Variants in MYPN observed in about 807,000 individuals in gnomAD.
MYPN encodes myopalladin, also known as sarcomeric protein myopalladin, 145 kDa (MYOP).
A neutral mutation model predicts 129.4 loss-of-function variants in MYPN; 63 were observed. The ratio of observed to expected loss-of-function variants is 0.49; its 90% CI spans 0.40 to 0.60. The LOEUF is 0.60. Ranked by LOEUF, MYPN falls within the 20% of genes least tolerant of loss-of-function variation. MYPN has a pLI of 0.00. For synonymous variants in MYPN, 629 were observed against 600.9 expected (o/e 1.05, Z -0.68); for missense variants, 1,596 against 1,635.4 (o/e 0.98, Z 0.42).
At chr10:68,192,150 G>A (rs1358582118) in intron 13 of MYPN, among the ~76,000 whole-genome samples, 1 of 152,068 alleles carries the variant, frequency 6.6e-6, no homozygotes, top group Non-Finnish European at 1.5e-5. Context: ...GTCATATATG[G>A]ACTTCATTGT....
At chr10:68,177,457 G>T (rs1047517969) in intron 12 of MYPN, among the ~76,000 whole-genome samples, 2 of 152,164 alleles carry the variant, frequency 1.3e-5, no homozygotes, top group Non-Finnish European at 2.9e-5. Flanking sequence ...TGGGAAACTG[G>T]GAGCTGTCTG....
At chr10:68,106,279 G>T, upstream of MYPN, 1 of 392,914 alleles carries the variant, frequency 2.5e-6, no homozygotes, top group East Asian at 7.9e-5. Context: ...AGTGGGTTTT[G>T]AACTTTTAGT....
chr10:68,168,820 G>A (rs1275702175), intron 10 of MYPN, among the ~76,000 whole-genome samples: 2 of 151,586 alleles, frequency 1.3e-5, no homozygotes, highest in African/African-American at 4.9e-5. Flanking sequence ...CACCATACAC[G>A]GGGTCAAAAA....
chr10:68,136,342 T>C, intron 2 of MYPN: 1 of 927,974 alleles, frequency 1.1e-6, no homozygotes, highest in Non-Finnish European at 1.3e-6. Flanking sequence ...CCATGAATCA[T>C]GCCTGGCACC....
intron 19 of MYPN, among the ~76,000 whole-genome samples, chr10:68,207,655 C>CTAA (rs1232026232): frequency 5.9e-5 from 9 of 152,000 alleles, no homozygotes; most frequent in Non-Finnish European, 1.2e-4. Flanking sequence ...GAGAGCTGTC[C>CTAA]TAATAATAAT....
intron 5 of MYPN, among the ~76,000 whole-genome samples, chr10:68,149,545 C>T (rs188156097): frequency 7.2e-4 from 109 of 152,214 alleles, no homozygotes; most frequent in African/African-American, 2.5e-3. Flanking sequence ...GCCATCCTCC[C>T]GCCTCAGCCT....
intron 13 of MYPN, among the ~76,000 whole-genome samples, chr10:68,193,439 C>G (rs546926422): frequency 1.3e-5 from 2 of 152,258 alleles, no homozygotes; most frequent in South Asian, 4.1e-4. Context: ...TGATATTTTT[C>G]TGTCTGCTTA....
chr10:68,091,393 C>CT (rs11301512), intron 1 of MYPN, among the ~76,000 whole-genome samples: 25,689 of 106,858 alleles, frequency 0.24, 4,422 homozygotes, highest in East Asian at 0.8. Context: ...GACTACAGCC[C>CT]TTTTTTTTTT....
chr10:68,110,270 TCTCC>T (rs1392663307), intron 1 of MYPN, among the ~76,000 whole-genome samples: 3 of 152,116 alleles, frequency 2.0e-5, no homozygotes, highest in African/African-American at 7.2e-5. Context: ...TCTCTCTCTC[TCTCC>T]GTCTCTTTCT....
intron 8 of MYPN, among the ~76,000 whole-genome samples, chr10:68,162,694 G>A (rs146292988): frequency 3.3e-5 from 5 of 152,170 alleles, no homozygotes; most frequent in African/African-American, 9.7e-5. Flanking sequence ...GGTGGTTCAC[G>A]CCTGTAATCC....
intron 2 of MYPN, among the ~76,000 whole-genome samples, chr10:68,140,103 T>C (rs544729830): frequency 2.6e-5 from 4 of 152,318 alleles, no homozygotes; most frequent in African/African-American, 9.6e-5. Context: ...GAGAAGGACC[T>C]ATCTTTGTAA....
chr10:68,094,997 G>A (rs1346972655), intron 1 of MYPN, among the ~76,000 whole-genome samples: 1 of 152,178 alleles, frequency 6.6e-6, no homozygotes, highest in African/African-American at 2.4e-5. Context: ...GAAGACGGAG[G>A]TTGCAGTGAG....
At chr10:68,183,519 A>T (rs2043373045) in intron 12 of MYPN, among the ~76,000 whole-genome samples, 1 of 152,162 alleles carries the variant, frequency 6.6e-6, no homozygotes, top group African/African-American at 2.4e-5. Flanking sequence ...TCAGGAATTC[A>T]TCTTTCCCTG....
At position 68,182,469 on chromosome 10, in the gene MYPN, T is replaced by TACAC. The variant is rs746883010; in HGVS notation, c.2704-6435_2704-6434insCACA. Among the ~76,000 whole-genome samples, 298 of 111,950 alleles carry TACAC rather than the reference T, an allele frequency of 2.7e-3. 9 individuals carry two copies. Among genetic ancestry groups the TACAC allele is most frequent in the African/African-American group, 8.0e-3 (225 of 28,146 alleles). The allele number at this position is 111,950 out of a possible 152,430, so 73.4% of individuals were successfully genotyped here. A position where few individuals can be genotyped will look rare whatever the true frequency, so the allele number is the denominator to read the frequency against. On this transcript the variant is annotated intron_variant, in intron 12 of 19. Transcript: ENST00000358913. ...ATATATAACATATATATATAACATA[T>TACAC]ATACACACACACACACACACACACA...
intron 3 of MYPN, 118 bp downstream of exon 3, chr10:68,143,233 A>G (rs2042605405): frequency 1.1e-6 from 1 of 931,022 alleles, no homozygotes; most frequent in Non-Finnish European, 1.7e-6. Flanking sequence ...AGGATACAGC[A>G]GTGAACCGAG....
At chr10:68,096,031 A>G (rs2041954906) in intron 1 of MYPN, among the ~76,000 whole-genome samples, 1 of 152,252 alleles carries the variant, frequency 6.6e-6, no homozygotes, top group Non-Finnish European at 1.5e-5. Context: ...GAAATAGAAT[A>G]GAATTATGCT....
intron 1 of MYPN, among the ~76,000 whole-genome samples, chr10:68,117,479 G>A (rs570218133): frequency 4.3e-4 from 66 of 152,182 alleles, no homozygotes; most frequent in African/African-American, 1.3e-3. Context: ...TCAGGGAAGA[G>A]AAGAAATCCC....
intron 2 of MYPN, among the ~76,000 whole-genome samples, chr10:68,131,856 A>G (rs2042416597): frequency 6.6e-6 from 1 of 152,254 alleles, no homozygotes; most frequent in Non-Finnish European, 1.5e-5. Context: ...GTTATGTAAT[A>G]GAAATACAAT....
chr10:68,101,494 G>A (rs980250373), upstream of MYPN, among the ~76,000 whole-genome samples: 1 of 152,040 alleles, frequency 6.6e-6, no homozygotes, highest in Non-Finnish European at 1.5e-5. Context: ...TCATCCTTTG[G>A]CCTGATGGTA....
Sources: allele counts gnomAD v4.1 joint callset (sites outside exome capture counted in the v4.1 genomes callset), GRCh38; gene constraint gnomAD v4.1.1; transcripts MANE v1.5; gene names NCBI Gene and HGNC (gene_info 2026-07-23, HGNC 2026-07-21).